Variants in NAPRT observed in about 807,000 individuals in gnomAD.
NAPRT encodes FHA-HIT-interacting protein.
Under a neutral mutation model 60.7 loss-of-function variants are expected in NAPRT, and 66 were observed. The ratio of observed to expected loss-of-function variants is 1.09; its 90% CI spans 0.89 to 1.33. The LOEUF (loss-of-function observed/expected upper bound fraction) is 1.33, where lower values mean the gene tolerates loss of function less well. Ranked by LOEUF, NAPRT falls within the 40% of genes most tolerant of loss-of-function variation. NAPRT has a pLI of 0.00. For synonymous variants in NAPRT, 405 were observed against 335.7 expected (o/e 1.21, Z -2.26); for missense variants, 818 against 731.5 (o/e 1.12, Z -1.36).
chr8:143,576,359 C>T (rs1212646127), intron 7 of NAPRT, 73 bp downstream of exon 7: 24 of 1,537,566 alleles, frequency 1.6e-5, no homozygotes, highest in Non-Finnish European at 2.1e-5. Context: ...CAGAGTACCT[C>T]ACTGTCCTTC....
At position 143,575,113 on chromosome 8, in the gene NAPRT, A is replaced by C; in HGVS notation, c.1447-20T>G. On this transcript the variant is annotated intron_variant, in intron 11 of 12. Coordinates refer to ENST00000449291, the MANE Select transcript of NAPRT (RefSeq NM_145201.6). ...ACACAGCTGCAGGGAGGAGGTAAGG[A>C]AAGAGAAGCTTGGGGCTAGCTCCCA... The C allele has an allele frequency of 6.5e-7, 1 of 1,545,740 alleles. No homozygotes were observed. The highest frequency in any genetic ancestry group is 2.4e-5 in the East Asian group (1 of 41,264).
downstream of NAPRT, chr8:143,573,969 A>G (rs1181365948): frequency 6.6e-6 from 1 of 152,332 alleles, no homozygotes; most frequent in East Asian, 1.9e-4. Context: ...CATTCCCCCC[A>G]CACCCTTGCC....
rs1298939601 is a variant in NAPRT, at chr8:143,575,245, G to A, written c.1392C>T (p.Thr464=). ...GTGGCTCCACCTGGGCTGGCCTCAC[G>A]GTGCAGGGCTCCTGGGCCCCTGGAG... ...VWPPGAQEPC[T]VRPAQVEPLL... The change falls in exon 11 of 13, where the codon ACC becomes ACT. Residue 464 remains threonine, a synonymous_variant. Transcript: ENST00000449291. 6.2e-6 allele frequency: 10 copies of A among 1,612,262 alleles called. No individual in the cohort carries two copies. The highest frequency in any genetic ancestry group is 5.3e-5 in the African/African-American group (4 of 74,848).
At chr8:143,576,314 TGCCAC>T in intron 7 of NAPRT, 113 bp downstream of exon 7, 1 of 1,444,670 alleles carries the variant, frequency 6.9e-7, no homozygotes. Flanking sequence ...CTTACTTCCC[TGCCAC>T]GGCCTGCAGT....
intron 7 of NAPRT, 84 bp from the exon 8 acceptor site, chr8:143,576,246 C>T: frequency 7.0e-7 from 1 of 1,429,124 alleles, no homozygotes; most frequent in Non-Finnish European, 9.4e-7. Flanking sequence ...CCCGCCCCGC[C>T]TCAGTCAAGG....
Position 143,576,798 on chromosome 8 carries a change from C to T in NAPRT, c.729G>A (p.Ala243=), listed in dbSNP as rs776661659. Residue 243 remains alanine (A), a synonymous_variant, in exon 6 of 13, where the codon GCG becomes GCA. Transcript: ENST00000449291. The part of the protein sequence containing the change: ...AAGEGPGVDL[A]AKAQVWLEQV... ...GCTCCAGCCACACCTGGGCTTTGGCCGCCAGGTCCACCCCAGGGCCCTCAC... is the reference window on the plus strand; with the variant it reads ...GCTCCAGCCACACCTGGGCTTTGGCTGCCAGGTCCACCCCAGGGCCCTCAC... 52 of 1,607,470 alleles carry T rather than the reference C, an allele frequency of 3.2e-5. No homozygotes were observed. Among genetic ancestry groups the T allele is most frequent in the Non-Finnish European group, 3.9e-5 (46 of 1,178,058 alleles).
rs201830887 is a variant in NAPRT at position 143,576,055 on chromosome 8, G to A, written c.1107+23C>T. On this transcript the variant is annotated intron_variant, in intron 8 of 12. Coordinates refer to ENST00000449291, the MANE Select transcript of NAPRT (RefSeq NM_145201.6). The stretch of plus-strand genomic sequence containing the variant: ...CCCCAGAGCCCCCCAGCCACCCTCC[G>A]CCTACCCACTCATCCACCCCACCTC... The A allele has an allele frequency of 3.9e-5, 61 of 1,551,128 alleles. 1 individual carries two copies. The highest frequency in any genetic ancestry group is 3.7e-4 in the East Asian group (16 of 43,750).
chr8:143,574,168 C>T (rs1167502418), downstream of NAPRT, among the ~76,000 whole-genome samples: 1 of 152,244 alleles, frequency 6.6e-6, no homozygotes, highest in Non-Finnish European at 1.5e-5. Context: ...ACGTGCAGTG[C>T]CACTCTGGCC....
intron 7 of NAPRT, 126 bp downstream of exon 7, chr8:143,576,306 T>C: frequency 1.4e-6 from 2 of 1,427,542 alleles, no homozygotes; most frequent in Non-Finnish European, 9.5e-7. Context: ...CCCCACCACT[T>C]ACTTCCCTGC....
Position 143,577,677 on chromosome 8 carries a change from G to A in NAPRT, c.417C>T (p.Leu139=), listed in dbSNP as rs1344868134. The A allele has an allele frequency of 1.9e-6, 3 of 1,540,244 alleles. No individual in the cohort carries two copies. Among genetic ancestry groups the A allele is most frequent in the Admixed American group, 2.0e-5 (1 of 51,092 alleles). ...LVVQLLETPL[L]CLVSYASLVA... ...CCCACCTGGCGTAGCTGACCAGGCA[G>A]AGCAGCGGTGTCTCCAGCAGCTGCA... Residue 139 remains leucine (L), a synonymous_variant, in exon 3 of 13, where the codon CTC becomes CTT. Coordinates refer to ENST00000449291, the MANE Select transcript of NAPRT (RefSeq NM_145201.6).
chr8:143,575,361 A>C lies in NAPRT; in HGVS notation c.1292-16T>G. 6.2e-7 allele frequency: 1 copy of C among 1,604,512 alleles called. No individual in the cohort carries two copies. The highest frequency in any genetic ancestry group is 1.7e-4 in the Middle Eastern group (1 of 6,038). On this transcript the variant is annotated splice_polypyrimidine_tract_variant and intron_variant, in intron 10 of 12. Coordinates refer to ENST00000449291, the MANE Select transcript of NAPRT (RefSeq NM_145201.6). ...AGTGGAGACCCTGTGTGGACGGGGC[A>C]AGAATAAGCGGGGGCCCTGGTGCTT... is the stretch of plus-strand genomic sequence containing the variant.
At chr8:143,576,233 C>T (rs2130693481) in intron 7 of NAPRT, 71 bp from the exon 8 acceptor site, 5 of 1,446,400 alleles carry the variant, frequency 3.5e-6, no homozygotes, top group South Asian at 1.3e-5. Context: ...TGTCCCCCTG[C>T]TCCCCGCCCC....
At chr8:143,577,550 T>C (rs1210322952) in intron 3 of NAPRT, 107 bp downstream of exon 3, 153 of 1,469,412 alleles carry the variant, frequency 1.0e-4, no homozygotes, top group Non-Finnish European at 1.3e-4. Flanking sequence ...GGGAGGCCAG[T>C]CCTGGGACCC....
At chr8:143,574,481 C>T (rs1386739300), downstream of NAPRT, among the ~76,000 whole-genome samples, 1 of 152,180 alleles carries the variant, frequency 6.6e-6, no homozygotes, top group East Asian at 1.9e-4. Flanking sequence ...CTGCCTCTAG[C>T]AAGGAAAGGT....
In NAPRT at chr8:143,575,195, C is replaced by A; in HGVS notation, c.1442G>T (p.Gly481Val). Residue 481 changes from glycine (G) to valine (V), a missense_variant, in exon 11 of 13, where the codon GGA becomes GTA. Gly to Val is a moderately radical substitution (Grantham distance 109, BLOSUM62 -3). Transcript: ENST00000449291. ...TGAGGGCGGTGGGGCAGCCACCTGT[C>A]CCTGCTGGAGGCAGAGCCGCAGTAG... ...EPLLRLCLQQ[G>V]QLCEPLPSLA... The A allele has an allele frequency of 6.2e-7, 1 of 1,608,114 alleles. No individual in the cohort carries two copies. The highest frequency in any genetic ancestry group is 8.5e-7 in the Non-Finnish European group (1 of 1,177,706).
At position 143,576,287 on chromosome 8, in the gene NAPRT, C is replaced by A. The variant is rs568590583; in HGVS notation, c.1023-125G>T. 458 of 1,383,206 alleles carry A rather than the reference C, an allele frequency of 3.3e-4. 1 individual carries two copies. The African/African-American group carries it at 6.0e-3, about 18-fold the overall frequency. The allele number at this position is 1,383,206 out of a possible 1,614,324, so 85.7% of individuals were successfully genotyped here. On this transcript the variant is annotated intron_variant, in intron 7 of 12. Coordinates refer to ENST00000449291, the MANE Select transcript of NAPRT (RefSeq NM_145201.6). Reference sequence around the variant, plus strand: ...TGTGCTCACCTTCTGCTTGGGAGCTCCTAGGGAGCCCCACCACTTACTTCC... The same window carrying A: ...TGTGCTCACCTTCTGCTTGGGAGCTACTAGGGAGCCCCACCACTTACTTCC...
downstream of NAPRT, among the ~76,000 whole-genome samples, chr8:143,573,264 G>C (rs1298769203): frequency 6.6e-6 from 1 of 152,214 alleles, no homozygotes; most frequent in Non-Finnish European, 1.5e-5. Flanking sequence ...GACTGGGTGA[G>C]CTTGGGGCAG....
downstream of NAPRT, among the ~76,000 whole-genome samples, chr8:143,573,210 C>T (rs571596834): frequency 7.9e-5 from 12 of 151,976 alleles, no homozygotes; most frequent in East Asian, 1.9e-4. Flanking sequence ...ACGCTGGCTC[C>T]GCCCCCTGCA....
Position 143,577,274 on chromosome 8 carries a change from A to T in NAPRT, c.563T>A (p.Leu188Gln). The change falls in exon 4 of 13, where the codon CTG (leucine) becomes CAG (glutamine). Residue 188 changes from leucine to glutamine, a missense_variant. Transcript: ENST00000449291. ...GCCCCGCACCAGACACTCACCGCCCAGGTAGCTGTAGGTGGAGGCTGTCAG... is the reference window on the plus strand; with the variant it reads ...GCCCCGCACCAGACACTCACCGCCCTGGTAGCTGTAGGTGGAGGCTGTCAG... ...GGLTASTYSY[L>Q]GGFDSSSNVL... 6.2e-7 allele frequency: 1 copy of T among 1,609,002 alleles called. No homozygotes were observed. Among genetic ancestry groups the T allele is most frequent in the Non-Finnish European group, 8.5e-7 (1 of 1,177,968 alleles).
Sources: gnomAD v4.1 joint callset for allele counts (sites outside exome capture counted in the v4.1 genomes callset) on GRCh38, gnomAD v4.1.1 for gene constraint, MANE v1.5 for transcripts, NCBI Gene and HGNC (gene_info 2026-07-23, HGNC 2026-07-21) for gene names.